Variants in KCNIP4 observed in about 807,000 individuals in gnomAD.
KCNIP4 encodes the protein potassium voltage-gated channel interacting protein 4.
Under a neutral mutation model 34.0 loss-of-function variants are expected in KCNIP4, and 12 were observed. The ratio of observed to expected loss-of-function variants is 0.35; its 90% confidence interval spans 0.23 to 0.57. The LOEUF is 0.57. Among genes scored for constraint, KCNIP4 ranks in the 20% least tolerant of loss-of-function variants. The pLI, the probability that KCNIP4 is intolerant of heterozygous loss-of-function variation, is 0.83. For missense variants in KCNIP4, 238 were observed against 311.7 expected (o/e 0.76, Z 1.78); for synonymous variants, 124 against 102.2 (o/e 1.21, Z -1.29).
At chr4:21,445,303 C>T (rs1425395002) in intron 1 of KCNIP4, among the ~76,000 whole-genome samples, 1 of 152,144 alleles carries the variant, frequency 6.6e-6, no homozygotes, top group Non-Finnish European at 1.5e-5. Flanking sequence ...CAAAAAAGAG[C>T]CTGCATTGCC....
intron 1 of KCNIP4, among the ~76,000 whole-genome samples, chr4:21,331,794 G>A (rs1715661736): frequency 6.6e-6 from 1 of 152,010 alleles, no homozygotes; most frequent in South Asian, 2.1e-4. Flanking sequence ...CTAATCTTTA[G>A]ACGTTTATCA....
chr4:21,096,172 G>C (rs1292328784), intron 1 of KCNIP4, among the ~76,000 whole-genome samples: 3 of 152,074 alleles, frequency 2.0e-5, no homozygotes, highest in Non-Finnish European at 4.4e-5. Flanking sequence ...TAACCAGACT[G>C]TTGGTCATGA....
intron 1 of KCNIP4, among the ~76,000 whole-genome samples, chr4:21,299,650 T>C (rs1425519809): frequency 6.6e-6 from 1 of 152,190 alleles, no homozygotes; most frequent in Non-Finnish European, 1.5e-5. Context: ...CAAGACTCTG[T>C]GAATTTCAAC....
At chr4:21,271,077 G>T (rs1238937198) in intron 1 of KCNIP4, among the ~76,000 whole-genome samples, 3 of 151,780 alleles carry the variant, frequency 2.0e-5, no homozygotes, top group Non-Finnish European at 4.4e-5. Context: ...GGAAGTGTTT[G>T]CATTATTGAA....
intron 1 of KCNIP4, among the ~76,000 whole-genome samples, chr4:21,347,116 G>T (rs1717516714): frequency 6.6e-6 from 1 of 152,170 alleles, no homozygotes; most frequent in Non-Finnish European, 1.5e-5. Context: ...CCAATAAAGA[G>T]AAAACCACTT....
chr4:20,942,660 C>A (rs1323078154), intron 1 of KCNIP4, among the ~76,000 whole-genome samples: 1 of 151,998 alleles, frequency 6.6e-6, no homozygotes, highest in Admixed American at 6.6e-5. Flanking sequence ...CTATTTCCTT[C>A]TTTTATTTTT....
intron 7 of KCNIP4, among the ~76,000 whole-genome samples, chr4:20,732,288 A>G (rs1748500639): frequency 6.6e-6 from 1 of 152,222 alleles, no homozygotes; most frequent in African/African-American, 2.4e-5. Flanking sequence ...GTGAAGATGT[A>G]GAGTCACTCT....
intron 1 of KCNIP4, among the ~76,000 whole-genome samples, chr4:21,570,522 T>C (rs141971545): frequency 1.9e-3 from 288 of 152,158 alleles, no homozygotes; most frequent in African/African-American, 6.6e-3. Flanking sequence ...TAGGAAGAAG[T>C]AGAAAATAAG....
At chr4:21,723,967 T>C (rs564976062) in intron 1 of KCNIP4, among the ~76,000 whole-genome samples, 128 of 152,142 alleles carry the variant, frequency 8.4e-4, no homozygotes, top group African/African-American at 3.1e-3. Context: ...GCAGGCCTTA[T>C]AGCAGAGGGG....
intron 1 of KCNIP4, among the ~76,000 whole-genome samples, chr4:21,100,136 C>T (rs1747808864): frequency 6.6e-6 from 1 of 152,112 alleles, no homozygotes; most frequent in African/African-American, 2.4e-5. Context: ...TTTTGAGAGT[C>T]GACTCCAATT....
chr4:20,976,460 T>C (rs1368835059), intron 1 of KCNIP4, among the ~76,000 whole-genome samples: 2 of 152,212 alleles, frequency 1.3e-5, no homozygotes, highest in Non-Finnish European at 2.9e-5. Flanking sequence ...TTAGTATTCC[T>C]ACAATAATCT....
intron 1 of KCNIP4, among the ~76,000 whole-genome samples, chr4:21,363,004 T>G (rs547005833): frequency 6.6e-6 from 1 of 152,292 alleles, no homozygotes; most frequent in Admixed American, 6.5e-5. Context: ...TGAGATAAAG[T>G]ACTAAGTACT....
chr4:21,191,592 A>T lies in KCNIP4; in HGVS notation c.62-308883T>A, dbSNP rs921671706. 5.4e-4 allele frequency among the ~76,000 whole-genome samples: 82 copies of T among 152,230 alleles called. 1 individual carries two copies. The highest frequency in any genetic ancestry group is 1.8e-4 in the Non-Finnish European group (12 of 68,052). Reference sequence around the variant, plus strand: ...TAGTTAGCAAGGCAATGAGGAGCTGAGGTCCACATTAACCATGGTCGGTGC... The same window carrying T: ...TAGTTAGCAAGGCAATGAGGAGCTGTGGTCCACATTAACCATGGTCGGTGC... On this transcript the variant is annotated intron_variant, in intron 1 of 8. Coordinates refer to ENST00000382152, the MANE Select transcript of KCNIP4 (RefSeq NM_025221.6).
chr4:21,789,070 CAA>C (rs35630701), intron 1 of KCNIP4, among the ~76,000 whole-genome samples: 8,488 of 93,766 alleles, frequency 0.091, 864 homozygotes, highest in African/African-American at 0.29. Context: ...GAGATTCTGT[CAA>C]AAAAAAAAAA....
At chr4:21,305,316 G>A (rs73249543) in intron 1 of KCNIP4, among the ~76,000 whole-genome samples, 8,037 of 152,226 alleles carry the variant, frequency 0.053, 284 homozygotes, top group Middle Eastern at 0.085. Flanking sequence ...TACTAGCTGT[G>A]TGACCTTAGG....
chr4:21,829,558 CA>C (rs1428986218), intron 1 of KCNIP4, among the ~76,000 whole-genome samples: 1 of 151,768 alleles, frequency 6.6e-6, no homozygotes, highest in Non-Finnish European at 1.5e-5. Context: ...GAATAGAATA[CA>C]AGGACTAAGA....
In KCNIP4 at chr4:21,638,687, C is replaced by T. The variant is rs570982974; in HGVS notation, c.61+309884G>A. On this transcript the variant is annotated intron_variant, in intron 1 of 8. Coordinates refer to ENST00000382152, the MANE Select transcript of KCNIP4 (RefSeq NM_025221.6). ...TAGTTGTATTTGAGGTTTTGACAGCCAAATAAATCTGCTGCAAAGAATGTT... is the reference window on the plus strand; with the variant it reads ...TAGTTGTATTTGAGGTTTTGACAGCTAAATAAATCTGCTGCAAAGAATGTT... Among the ~76,000 whole-genome samples the T allele has an allele frequency of 2.6e-5, 4 of 152,190 alleles. No homozygotes were observed. The South Asian group carries it at 8.3e-4, about 32-fold the overall frequency.
chr4:21,678,954 C>T (rs551438809), intron 1 of KCNIP4, among the ~76,000 whole-genome samples: 94 of 152,102 alleles, frequency 6.2e-4, no homozygotes, highest in African/African-American at 2.2e-3. Flanking sequence ...TGACCAATTT[C>T]CTTATAAGAA....
chr4:21,304,939 A>G (rs1712280111), intron 1 of KCNIP4, among the ~76,000 whole-genome samples: 1 of 151,300 alleles, frequency 6.6e-6, no homozygotes, highest in South Asian at 2.1e-4. Context: ...TAATGATGTA[A>G]GTAAATTTGG....
Sources: gnomAD v4.1 joint callset for allele counts (sites outside exome capture counted in the v4.1 genomes callset) on GRCh38, gnomAD v4.1.1 for gene constraint, MANE v1.5 for transcripts, NCBI Gene and HGNC (gene_info 2026-07-23, HGNC 2026-07-21) for gene names.